Variants in PTPRN2 observed in about 807,000 individuals in gnomAD.
The protein encoded by PTPRN2 is protein tyrosine phosphatase receptor type N2.
Under a neutral mutation model 118.8 loss-of-function variants are expected in PTPRN2, and 74 were observed. That is an observed-to-expected ratio of 0.62 (90% CI 0.52 to 0.76). PTPRN2 has a LOEUF of 0.76. Among genes scored for constraint, PTPRN2 ranks in the 30% least tolerant of loss-of-function variants. The pLI is 0.00. For synonymous variants in PTPRN2, 641 were observed against 608.0 expected (o/e 1.05, Z -0.80); for missense variants, 1,481 against 1,394.4 (o/e 1.06, Z -0.99).
chr7:157,882,257 G>GACTGTCAGAGATCAGAACACA lies in PTPRN2; in HGVS notation c.1788+16415_1788+16416insTGTGTTCTGATCTCTGACAGT, dbSNP rs1563204147. Reference sequence around the variant, plus strand: ...AAATGACTGTTGGAGAACAGAACACGCCACCCCAAAAATGACTGTCAGAGA... The same window carrying GACTGTCAGAGATCAGAACACA: ...AAATGACTGTTGGAGAACAGAACACGACTGTCAGAGATCAGAACACACCACCCCAAAAATGACTGTCAGAGA... On this transcript the variant is annotated intron_variant, in intron 12 of 22. Transcript: ENST00000389418. Among the ~76,000 whole-genome samples the GACTGTCAGAGATCAGAACACA allele has an allele frequency of 3.7e-4, 52 of 141,612 alleles. 1 individual carries two copies. Among genetic ancestry groups the GACTGTCAGAGATCAGAACACA allele is most frequent in the African/African-American group, 1.3e-3 (49 of 37,968 alleles). 92.9% of individuals were successfully genotyped at this position (141,612 alleles called of 152,430 possible). A position where few individuals can be genotyped will look rare whatever the true frequency, so the allele number is the denominator to read the frequency against.
intron 2 of PTPRN2, among the ~76,000 whole-genome samples, chr7:158,446,566 C>T (rs897461450): frequency 2.6e-5 from 4 of 152,174 alleles, no homozygotes; most frequent in Non-Finnish European, 2.9e-5. Context: ...CAGCCGCCCC[C>T]GGCGGGCAGA....
intron 3 of PTPRN2, among the ~76,000 whole-genome samples, chr7:158,278,127 C>A (rs1353510051): frequency 6.6e-6 from 1 of 152,164 alleles, no homozygotes; most frequent in Non-Finnish European, 1.5e-5. Flanking sequence ...GAGCCTGCCC[C>A]ACCAGCCTCA....
At chr7:157,927,900 C>T (rs749654028) in intron 11 of PTPRN2, among the ~76,000 whole-genome samples, 2 of 152,028 alleles carry the variant, frequency 1.3e-5, no homozygotes, top group Non-Finnish European at 2.9e-5. Flanking sequence ...CGCTTGTGGG[C>T]AATTCATGAA....
chr7:158,505,698 TAGG>T (rs2129446640), intron 1 of PTPRN2, among the ~76,000 whole-genome samples: 1 of 92,062 alleles, frequency 1.1e-5, no homozygotes, highest in South Asian at 4.2e-4. Flanking sequence ...GAGTGTGAAG[TAGG>T]AGGGAACGGA....
At chr7:158,163,219 G>A (rs1300293588) in intron 6 of PTPRN2, among the ~76,000 whole-genome samples, 2 of 152,074 alleles carry the variant, frequency 1.3e-5, no homozygotes, top group Admixed American at 6.5e-5. Flanking sequence ...TATTTCATAG[G>A]TGATGCCTAT....
intron 2 of PTPRN2, among the ~76,000 whole-genome samples, chr7:158,345,490 G>A (rs771532603): frequency 1.8e-4 from 27 of 152,250 alleles, no homozygotes; most frequent in Admixed American, 9.8e-4. Context: ...AAAGGCCACC[G>A]GTTTTGGAAG....
intron 11 of PTPRN2, among the ~76,000 whole-genome samples, chr7:158,069,016 A>G (rs566262446): frequency 5.1e-4 from 77 of 152,310 alleles, no homozygotes; most frequent in Admixed American, 3.8e-3. Context: ...CACCATCTTC[A>G]CGTGCTCTCT....
intron 11 of PTPRN2, among the ~76,000 whole-genome samples, chr7:157,951,830 G>A (rs937745384): frequency 2.0e-5 from 3 of 152,190 alleles, no homozygotes; most frequent in South Asian, 2.1e-4. Flanking sequence ...GCCTGAGTCC[G>A]GCAGTGGATG....
At chr7:157,626,547 C>A (rs1298906946) in intron 14 of PTPRN2, among the ~76,000 whole-genome samples, 1 of 152,078 alleles carries the variant, frequency 6.6e-6, no homozygotes, top group Admixed American at 6.6e-5. Context: ...CTATAACCCA[C>A]CCCCCACATC....
At chr7:158,222,143 C>A (rs1421823615) in intron 3 of PTPRN2, among the ~76,000 whole-genome samples, 1 of 152,148 alleles carries the variant, frequency 6.6e-6, no homozygotes, top group African/African-American at 2.4e-5. Context: ...TAAAGTAGTT[C>A]AGCTGGTGTA....
At chr7:158,317,024 C>A in intron 2 of PTPRN2, 92 bp from the exon 3 acceptor site, 1 of 934,234 alleles carries the variant, frequency 1.1e-6, no homozygotes, top group South Asian at 1.7e-5. Flanking sequence ...GCGTTCTGAT[C>A]ATGTGCCGCC....
chr7:157,708,822 C>T (rs946434258), intron 12 of PTPRN2, among the ~76,000 whole-genome samples: 1 of 152,174 alleles, frequency 6.6e-6, no homozygotes, highest in Non-Finnish European at 1.5e-5. Flanking sequence ...TTTCTTTATC[C>T]TTTACATCAA....
At chr7:157,810,975 C>A (rs917959438) in intron 12 of PTPRN2, among the ~76,000 whole-genome samples, 1 of 152,010 alleles carries the variant, frequency 6.6e-6, no homozygotes, top group Non-Finnish European at 1.5e-5. Context: ...ATCTTAAAAA[C>A]TCGTGGATTT....
At position 157,801,574 on chromosome 7, in the gene PTPRN2, T is replaced by C. The variant is rs573244012; in HGVS notation, c.1788+97099A>G. On this transcript the variant is annotated intron_variant, in intron 12 of 22. Coordinates refer to ENST00000389418, the MANE Select transcript of PTPRN2 (RefSeq NM_002847.5). The surrounding 1 kb of genome is among the most constrained non-coding windows in gnomAD (Gnocchi z 4.2). ...TGATAGAGTATAGGTAAAAACATCT[T>C]AGCCTGCATGAAAACAAACATCATC... is the stretch of plus-strand genomic sequence containing the variant. Among the ~76,000 whole-genome samples the C allele has an allele frequency of 2.0e-5, 3 of 152,228 alleles. No individual in the cohort carries two copies. Among genetic ancestry groups the C allele is most frequent in the African/African-American group, 7.2e-5 (3 of 41,520 alleles).
chr7:157,816,531 G>A (rs1478159414), intron 12 of PTPRN2, among the ~76,000 whole-genome samples: 1 of 152,208 alleles, frequency 6.6e-6, no homozygotes, highest in Non-Finnish European at 1.5e-5. Flanking sequence ...AACTTTCTTG[G>A]GTTAAGTTGT....
intron 12 of PTPRN2, chr7:157,864,199 C>A (rs935483428): frequency 3.3e-5 from 5 of 152,236 alleles, no homozygotes; most frequent in Non-Finnish European, 5.9e-5. Context: ...GTGAGTGCGT[C>A]CCCCCATCCA....
intron 14 of PTPRN2, among the ~76,000 whole-genome samples, chr7:157,643,866 C>T (rs756326457): frequency 9.9e-5 from 15 of 152,216 alleles, no homozygotes; most frequent in Non-Finnish European, 1.5e-4. Flanking sequence ...GACGGCAGTC[C>T]GGGCTGTGGC....
chr7:158,128,022 A>G (rs181106328), intron 9 of PTPRN2, among the ~76,000 whole-genome samples: 283 of 152,298 alleles, frequency 1.9e-3, no homozygotes, highest in Non-Finnish European at 3.2e-3. Context: ...CCATCCTCCC[A>G]TCTGAACCTC....
intron 2 of PTPRN2, among the ~76,000 whole-genome samples, chr7:158,423,299 G>T (rs1365061333): frequency 6.6e-6 from 1 of 152,210 alleles, no homozygotes; most frequent in Non-Finnish European, 1.5e-5. Context: ...GAAGGAAGTG[G>T]ATTTGGGGGG....
Sources: gnomAD v4.1 joint callset for allele counts (sites outside exome capture counted in the v4.1 genomes callset) on GRCh38, gnomAD v4.1.1 for gene constraint, Gnocchi (gnomAD v3.1) non-coding constraint, MANE v1.5 for transcripts, NCBI Gene and HGNC (gene_info 2026-07-23, HGNC 2026-07-21) for gene names.